MCPH1: variants seen among roughly 807,000 people sequenced by gnomAD.
MCPH1 encodes the protein microcephalin.
A neutral mutation model predicts 84.5 loss-of-function variants in MCPH1; 104 were observed. The ratio of observed to expected loss-of-function variants is 1.23; its 90% confidence interval spans 1.05 to 1.45. The LOEUF is 1.45. Ranked by LOEUF, MCPH1 falls within the 40% of genes most tolerant of loss-of-function variation. The probability of loss-of-function intolerance (pLI) is 0.00; values close to 1 mark genes in which losing one functional copy is unlikely to be tolerated. For missense variants in MCPH1, 1,498 were observed against 1,005.7 expected, an observed-to-expected ratio of 1.49 and a Z score of -6.62; for synonymous variants, 514 against 366.8, an observed-to-expected ratio of 1.40 and a Z score of -4.58.
chr8:6,431,483 T>C lies in MCPH1; in HGVS notation c.234-16T>C, dbSNP rs758374507. On this transcript the variant is annotated splice_polypyrimidine_tract_variant and intron_variant, in intron 3 of 13. Transcript: ENST00000344683. ...GAAGCAAATACTCATTAGACTACCT[T>C]AATTTAATTATACAGATGCAGGACA... is the stretch of plus-strand genomic sequence containing the variant. The C allele has an allele frequency of 9.4e-6, 15 of 1,601,796 alleles. No individual in the cohort carries two copies. The highest frequency in any genetic ancestry group is 1.7e-6 in the Non-Finnish European group (2 of 1,169,232).
chr8:6,411,414 G>C (rs1052366496), intron 2 of MCPH1, among the ~76,000 whole-genome samples: 4 of 152,174 alleles, frequency 2.6e-5, no homozygotes, highest in Non-Finnish European at 4.4e-5. Context: ...GGTTAAATTT[G>C]GCAGAACTAA....
At chr8:6,461,935 T>C (rs1806342959) in intron 9 of MCPH1, among the ~76,000 whole-genome samples, 1 of 152,212 alleles carries the variant, frequency 6.6e-6, no homozygotes, top group African/African-American at 2.4e-5. Flanking sequence ...TTTCAAAATA[T>C]TGATTATTAT....
chr8:6,575,876 C>T (rs1827037637), intron 12 of MCPH1, among the ~76,000 whole-genome samples: 1 of 152,098 alleles, frequency 6.6e-6, no homozygotes. Flanking sequence ...CAGCAGTTAG[C>T]AGAGAGGCCT....
intron 3 of MCPH1, among the ~76,000 whole-genome samples, chr8:6,419,959 C>T (rs1469299899): frequency 1.3e-5 from 2 of 151,636 alleles, no homozygotes; most frequent in African/African-American, 4.9e-5. Flanking sequence ...ATTCTATTTC[C>T]ATTCATTGCA....
chr8:6,533,615 A>G (rs1019960172), intron 12 of MCPH1, among the ~76,000 whole-genome samples: 2 of 135,704 alleles, frequency 1.5e-5, no homozygotes, highest in African/African-American at 2.8e-5. Flanking sequence ...GATGGGAACC[A>G]TTCTTCCATT....
chr8:6,494,918 A>G (rs534720710), intron 11 of MCPH1, among the ~76,000 whole-genome samples: 11 of 152,338 alleles, frequency 7.2e-5, no homozygotes, highest in Non-Finnish European at 1.3e-4. Flanking sequence ...CTCACTTAAA[A>G]AAAGTCATAT....
chr8:6,501,109 G>A (rs999025415), intron 12 of MCPH1: 2 of 152,212 alleles, frequency 1.3e-5, no homozygotes, highest in Non-Finnish European at 2.9e-5. Flanking sequence ...ACAGTTCTAA[G>A]ATAGGGAGGT....
chr8:6,588,347 T>C (rs1828160113), intron 12 of MCPH1, among the ~76,000 whole-genome samples: 4 of 152,216 alleles, frequency 2.6e-5, no homozygotes, highest in Admixed American at 6.5e-5. Context: ...AAAACTTTTT[T>C]TTTTTTTTAA....
chr8:6,464,109 G>A (rs559707182), intron 9 of MCPH1, among the ~76,000 whole-genome samples: 4 of 152,258 alleles, frequency 2.6e-5, no homozygotes, highest in South Asian at 4.2e-4. Context: ...GTTCAGACCC[G>A]CTGTACGCAG....
intron 12 of MCPH1, chr8:6,562,578 T>TTTTTTTTTTTTTTTA: frequency 1.8e-4 from 160 of 880,144 alleles, no homozygotes; most frequent in Non-Finnish European, 2.2e-4. Flanking sequence ...TTTTGGTTGT[T>TTTTTTTTTTTTTTTA]AAAACCTGAG....
chr8:6,431,606 G>C lies in MCPH1; in HGVS notation c.321+20G>C. Reference sequence around the variant, plus strand: ...AAAAAAGTAAGTACATGATTTCAATGTAGATAATGGCAATTAGGAATTTAT... The same window carrying C: ...AAAAAAGTAAGTACATGATTTCAATCTAGATAATGGCAATTAGGAATTTAT... On this transcript the variant is annotated intron_variant, in intron 4 of 13. Transcript: ENST00000344683. The C allele has an allele frequency of 6.9e-7, 1 of 1,445,070 alleles. No individual in the cohort carries two copies. The highest frequency in any genetic ancestry group is 9.7e-7 in the Non-Finnish European group (1 of 1,035,614). 89.5% of individuals were successfully genotyped at this position (1,445,070 alleles called of 1,614,324 possible).
At position 6,413,961 on chromosome 8, in the gene MCPH1, G is replaced by A. The variant is rs372877785; in HGVS notation, c.115-804G>A. On this transcript the variant is annotated intron_variant, in intron 2 of 13. Transcript: ENST00000344683. ...GTAGAGACAGGGTTTTTCCATGTTG[G>A]CCAGGCTAGTCTTAAATTTCTGACC... Among the ~76,000 whole-genome samples, 180 of 152,156 alleles carry A rather than the reference G, an allele frequency of 1.2e-3. 2 individuals carry two copies. Among genetic ancestry groups the A allele is most frequent in the African/African-American group, 4.2e-3 (176 of 41,514 alleles).
intron 1 of MCPH1, among the ~76,000 whole-genome samples, chr8:6,408,375 T>C (rs962064438): frequency 4.6e-5 from 7 of 152,074 alleles, no homozygotes; most frequent in African/African-American, 1.7e-4. Context: ...GTTATTTTTA[T>C]TTTTATTTTT....
intron 12 of MCPH1, among the ~76,000 whole-genome samples, chr8:6,577,524 C>T (rs897067448): frequency 1.8e-4 from 28 of 152,340 alleles, no homozygotes; most frequent in South Asian, 2.1e-4. Context: ...ATTATATGCA[C>T]GTATTCTGCC....
At chr8:6,584,795 C>G (rs781193312) in intron 12 of MCPH1, among the ~76,000 whole-genome samples, 8 of 152,184 alleles carry the variant, frequency 5.3e-5, no homozygotes, top group Non-Finnish European at 8.8e-5. Context: ...TGGGGAAGTC[C>G]TTGCTTGCAA....
intron 13 of MCPH1, chr8:6,626,802 C>A (rs1251369453): frequency 1.0e-6 from 1 of 985,152 alleles, no homozygotes; most frequent in African/African-American, 1.7e-5. Flanking sequence ...GACATTTGTG[C>A]TGTGGTCAGC....
intron 12 of MCPH1, among the ~76,000 whole-genome samples, chr8:6,529,499 T>A (rs1472518673): frequency 6.6e-6 from 1 of 151,412 alleles, no homozygotes; most frequent in African/African-American, 2.4e-5. Context: ...TTGCCCAGGC[T>A]GCAGTGCGGT....
rs904896722 is a variant in MCPH1, at chr8:6,476,631, A to C, written c.1936-963A>C. ...TTCACCCAACAGAGACAAGATCTCT[A>C]TAAACCAGCAGTCCTTCCCCAAATA... On this transcript the variant is annotated intron_variant, in intron 9 of 13. Transcript: ENST00000344683. 2.0e-5 allele frequency among the ~76,000 whole-genome samples: 3 copies of C among 152,194 alleles called. No homozygotes were observed. In the South Asian group the frequency reaches 6.2e-4, roughly 31 times the overall value.
At chr8:6,521,236 C>A in intron 12 of MCPH1, 1 of 1,613,908 alleles carries the variant, frequency 6.2e-7, no homozygotes. Flanking sequence ...GATCATGTTG[C>A]TGCTTCTGAA....
Sources: allele counts gnomAD v4.1 joint callset (sites outside exome capture counted in the v4.1 genomes callset), GRCh38; gene constraint gnomAD v4.1.1; transcripts MANE v1.5; gene names NCBI Gene and HGNC (gene_info 2026-07-23, HGNC 2026-07-21).